CCDC102B: variants seen among roughly 807,000 people sequenced by gnomAD.
The protein encoded by CCDC102B is coiled-coil domain-containing protein 102B.
CCDC102B carries 75 observed loss-of-function variants against 57.4 expected under a neutral mutation model. That is an observed-to-expected ratio of 1.31 (90% CI 1.08 to 1.58). CCDC102B has a LOEUF of 1.58. Ranked by LOEUF, CCDC102B falls within the 40% of genes most tolerant of loss-of-function variation. The pLI, the probability that CCDC102B is intolerant of heterozygous loss-of-function variation, is 0.00. For synonymous variants in CCDC102B, 206 were observed against 201.9 expected (o/e 1.02, Z -0.17); for missense variants, 636 against 582.6 (o/e 1.09, Z -0.94).
chr18:68,968,682 C>T (rs78117682), intron 6 of CCDC102B, among the ~76,000 whole-genome samples: 3,692 of 152,198 alleles, frequency 0.024, 117 homozygotes, highest in East Asian at 0.15. Flanking sequence ...ACTTTATACC[C>T]ACTGAACAAC....
Position 68,804,688 on chromosome 18 carries a change from T to C in CCDC102B, c.-16+6507T>C, listed in dbSNP as rs557320071. Among the ~76,000 whole-genome samples the C allele has an allele frequency of 9.2e-5, 14 of 152,278 alleles. No homozygotes were observed. The South Asian group carries it at 2.7e-3, about 29-fold the overall frequency. On this transcript the variant is annotated intron_variant, in intron 1 of 7. Transcript: ENST00000360242. Reference sequence around the variant, plus strand: ...TAAAACAGGAATTTCAGGCCTGGAATTGACCATTAGATTTGCAATGTAGAA... The same window carrying C: ...TAAAACAGGAATTTCAGGCCTGGAACTGACCATTAGATTTGCAATGTAGAA...
At chr18:68,871,791 T>A (rs1022874783) in intron 4 of CCDC102B, among the ~76,000 whole-genome samples, 6 of 152,114 alleles carry the variant, frequency 3.9e-5, no homozygotes, top group Non-Finnish European at 5.9e-5. Flanking sequence ...ATATAATAAG[T>A]TGATTGAGAA....
At chr18:68,762,912 T>C (rs2034300968) in intron 2 of CCDC102B, among the ~76,000 whole-genome samples, 1 of 152,118 alleles carries the variant, frequency 6.6e-6, no homozygotes, top group South Asian at 2.1e-4. Context: ...CTGGAGGGGC[T>C]TGGAATGTAT....
intron 6 of CCDC102B, among the ~76,000 whole-genome samples, chr18:68,915,812 G>A (rs559883662): frequency 2.0e-5 from 3 of 152,050 alleles, no homozygotes; most frequent in Non-Finnish European, 4.4e-5. Flanking sequence ...AATTTCAGTC[G>A]GTGTTTAGTT....
intron 2 of CCDC102B, among the ~76,000 whole-genome samples, chr18:68,790,089 A>T (rs372620839): frequency 2.9e-5 from 4 of 140,332 alleles, no homozygotes; most frequent in Admixed American, 7.0e-5. Context: ...ATACCCTGCC[A>T]TGTGAGGTGT....
intron 5 of CCDC102B, among the ~76,000 whole-genome samples, chr18:68,876,474 G>A (rs2039453703): frequency 6.6e-6 from 1 of 152,142 alleles, no homozygotes; most frequent in Admixed American, 6.5e-5. Flanking sequence ...CATTATCTTT[G>A]ACATGAAGGA....
At chr18:69,038,501 A>G (rs1350087583) in intron 7 of CCDC102B, among the ~76,000 whole-genome samples, 1 of 151,980 alleles carries the variant, frequency 6.6e-6, no homozygotes, top group Admixed American at 6.6e-5. Context: ...TAATTTTGAT[A>G]TTAACATTTT....
chr18:68,813,466 G>A (rs1485842159), intron 1 of CCDC102B, among the ~76,000 whole-genome samples: 2 of 151,988 alleles, frequency 1.3e-5, no homozygotes, highest in Non-Finnish European at 2.9e-5. Flanking sequence ...AGAAGGAGGA[G>A]TTAGAGGATG....
chr18:68,844,610 CTATTT>C (rs1333767423), intron 3 of CCDC102B, among the ~76,000 whole-genome samples: 40 of 151,844 alleles, frequency 2.6e-4, no homozygotes, highest in Middle Eastern at 3.4e-3. Context: ...TTTAAATATT[CTATTT>C]TATCACCCAA....
chr18:69,006,424 T>G lies in CCDC102B; in HGVS notation c.1264-4510T>G, dbSNP rs931524356. 1.9e-3 allele frequency among the ~76,000 whole-genome samples: 271 copies of G among 141,628 alleles called. 3 individuals are homozygous for G. Among genetic ancestry groups the G allele is most frequent in the African/African-American group, 6.4e-3 (250 of 39,062 alleles). 92.9% of individuals were successfully genotyped at this position (141,628 alleles called of 152,430 possible). ...TTATTTATTTATTTATTTATTTATT[T>G]ATTTATTTATTTATTTTGAGACTGA... On this transcript the variant is annotated intron_variant, in intron 6 of 7. Coordinates refer to ENST00000360242, the MANE Select transcript of CCDC102B (RefSeq NM_024781.3).
At chr18:69,049,016 T>A (rs1272801411) in intron 7 of CCDC102B, among the ~76,000 whole-genome samples, 1 of 152,108 alleles carries the variant, frequency 6.6e-6, no homozygotes, top group Non-Finnish European at 1.5e-5. Context: ...TATGTTACCA[T>A]CATCAAAGGT....
chr18:68,775,653 A>ATTTTTT (rs369282225), intron 2 of CCDC102B, among the ~76,000 whole-genome samples: 8 of 115,506 alleles, frequency 6.9e-5, no homozygotes, highest in African/African-American at 2.7e-4. Flanking sequence ...TAACTCCTGG[A>ATTTTTT]TTTTTTTTTT....
intron 6 of CCDC102B, among the ~76,000 whole-genome samples, chr18:68,914,563 A>G (rs989308478): frequency 6.6e-6 from 1 of 152,170 alleles, no homozygotes; most frequent in Non-Finnish European, 1.5e-5. Flanking sequence ...CTCACCTTAT[A>G]TGTGCTTGTT....
chr18:69,002,135 A>G (rs2051219166), intron 6 of CCDC102B, among the ~76,000 whole-genome samples: 1 of 152,146 alleles, frequency 6.6e-6, no homozygotes, highest in Non-Finnish European at 1.5e-5. Flanking sequence ...AAACAACAAC[A>G]CTGAGAACAC....
At chr18:68,774,942 CATATT>C (rs968463719) in intron 2 of CCDC102B, among the ~76,000 whole-genome samples, 6 of 150,900 alleles carry the variant, frequency 4.0e-5, no homozygotes, top group African/African-American at 1.5e-4. Flanking sequence ...TTTATTTTAA[CATATT>C]ATACATAAAA....
chr18:69,053,944 TATG>T (rs2052769573), intron 7 of CCDC102B, 83 bp from the exon 8 acceptor site: 1 of 1,045,032 alleles, frequency 9.6e-7, no homozygotes, highest in Admixed American at 2.8e-5. Flanking sequence ...TTTTTAAGAA[TATG>T]ATAAGATGTT....
chr18:69,047,237 G>A (rs543775069), intron 7 of CCDC102B, among the ~76,000 whole-genome samples: 1 of 152,106 alleles, frequency 6.6e-6, no homozygotes, highest in Admixed American at 6.6e-5. Context: ...TTATCCCTGG[G>A]ATGGCAATCA....
chr18:69,019,506 T>A (rs1372564180), intron 7 of CCDC102B, among the ~76,000 whole-genome samples: 1 of 152,038 alleles, frequency 6.6e-6, no homozygotes, highest in East Asian at 1.9e-4. Context: ...GATTGTTTTT[T>A]ATTTAATTTC....
intron 7 of CCDC102B, among the ~76,000 whole-genome samples, chr18:69,032,766 A>G (rs901458118): frequency 2.0e-5 from 3 of 152,094 alleles, no homozygotes; most frequent in South Asian, 2.1e-4. Flanking sequence ...TGCAGTTGCT[A>G]TAGTACTCTG....
Sources: allele counts gnomAD v4.1 joint callset (sites outside exome capture counted in the v4.1 genomes callset), GRCh38; gene constraint gnomAD v4.1.1; transcripts MANE v1.5; gene names NCBI Gene and HGNC (gene_info 2026-07-23, HGNC 2026-07-21).